The following ORC5 variants were observed in gnomAD, a reference collection of about 807,000 sequenced individuals.
The protein encoded by ORC5 is protein phosphatase 1, regulatory subunit 117.
In ORC5, 39 loss-of-function variants were observed where a neutral mutation model predicts 58.8. The observed-to-expected ratio is 0.66, with a 90% CI of 0.51 to 0.87. The LOEUF (loss-of-function observed/expected upper bound fraction) is 0.87, where lower values mean the gene tolerates loss of function less well. Among genes scored for constraint, ORC5 ranks in the 40% least tolerant of loss-of-function variants. ORC5 has a pLI of 0.00. For synonymous variants in ORC5, 218 were observed against 177.6 expected (o/e 1.23, Z -1.81); for missense variants, 493 against 506.3 (o/e 0.97, Z 0.25).
At chr7:104,126,947 T>C in intron 13 of ORC5, 54 bp from the exon 14 acceptor site, 1 of 1,302,206 alleles carries the variant, frequency 7.7e-7, no homozygotes. Flanking sequence ...ATTGCTCAGC[T>C]TTGTATGATT....
At chr7:104,201,627 T>TAAA (rs59970161) in intron 2 of ORC5, among the ~76,000 whole-genome samples, 4 of 131,398 alleles carry the variant, frequency 3.0e-5, no homozygotes, top group Admixed American at 7.9e-5. Context: ...CTGTCACTAT[T>TAAA]AAAAAAAAAA....
At chr7:104,180,556 C>T (rs1269839715) in intron 8 of ORC5, among the ~76,000 whole-genome samples, 3 of 151,780 alleles carry the variant, frequency 2.0e-5, no homozygotes, top group Non-Finnish European at 4.4e-5. Context: ...GACCTCCCTC[C>T]CCAATATCAA....
chr7:104,143,845 G>A (rs969111426), intron 12 of ORC5, among the ~76,000 whole-genome samples: 1 of 152,108 alleles, frequency 6.6e-6, no homozygotes, highest in South Asian at 2.1e-4. Context: ...CAGGCCGGGT[G>A]CGGTGGCTCA....
intron 12 of ORC5, among the ~76,000 whole-genome samples, chr7:104,156,769 T>C (rs1460256642): frequency 1.3e-5 from 2 of 151,882 alleles, no homozygotes; most frequent in Non-Finnish European, 2.9e-5. Flanking sequence ...GTACGAAATA[T>C]AATTCATTGC....
intron 13 of ORC5, among the ~76,000 whole-genome samples, chr7:104,130,409 A>C (rs188822691): frequency 3.6e-4 from 55 of 152,212 alleles, no homozygotes; most frequent in Non-Finnish European, 6.6e-4. Context: ...CAAAGGACAT[A>C]GTCTTTTCTT....
chr7:104,207,399 C>T (rs1800116110), intron 1 of ORC5, among the ~76,000 whole-genome samples: 1 of 152,138 alleles, frequency 6.6e-6, no homozygotes, highest in African/African-American at 2.4e-5. Flanking sequence ...ACTGCTTTGG[C>T]CCTTAGTGGC....
intron 12 of ORC5, among the ~76,000 whole-genome samples, chr7:104,152,572 C>A (rs1798863607): frequency 6.6e-6 from 1 of 152,122 alleles, no homozygotes; most frequent in South Asian, 2.1e-4. Flanking sequence ...ATCTAATGCA[C>A]AAATTTGCCT....
intron 12 of ORC5, among the ~76,000 whole-genome samples, chr7:104,140,219 C>A (rs1440139391): frequency 6.6e-6 from 1 of 152,026 alleles, no homozygotes; most frequent in Non-Finnish European, 1.5e-5. Flanking sequence ...TATAATCAGT[C>A]TGACAACTTT....
chr7:104,144,446 A>G (rs187657910), intron 12 of ORC5, among the ~76,000 whole-genome samples: 1 of 152,134 alleles, frequency 6.6e-6, no homozygotes, highest in East Asian at 1.9e-4. Flanking sequence ...TTGAGGACTT[A>G]CTCTAGGTAC....
chr7:104,195,237 A>G lies in ORC5; in HGVS notation c.459T>C (p.Thr153=), dbSNP rs748898831. 1 of 1,553,522 alleles carries G rather than the reference A, an allele frequency of 6.4e-7. No homozygotes were observed. Among genetic ancestry groups the G allele is most frequent in the Non-Finnish European group, 8.7e-7 (1 of 1,155,086 alleles). The part of the protein sequence containing the change: ...RLQELADRNV[T]VLFLSEIVWE... ...AAACAATTTCACTGAGAAAGAGAAC[A>G]GTCACATTTCTGTCAGCCTGTAAAA... The change falls in exon 5 of 14, where the codon ACT becomes ACC. Residue 153 remains threonine, a synonymous_variant. Coordinates refer to ENST00000297431, the MANE Select transcript of ORC5 (RefSeq NM_002553.4).
intron 3 of ORC5, among the ~76,000 whole-genome samples, chr7:104,200,076 C>T (rs931710011): frequency 6.6e-6 from 1 of 150,382 alleles, no homozygotes; most frequent in African/African-American, 2.4e-5. Flanking sequence ...CTGAGGCCTC[C>T]CCAGCCACGC....
intron 2 of ORC5, chr7:104,202,352 G>A (rs1025439965): frequency 1.9e-5 from 4 of 212,544 alleles, no homozygotes; most frequent in African/African-American, 9.3e-5. Context: ...GAATAACAGT[G>A]TCACTAAAGC....
At chr7:104,178,931 A>G (rs1312563263) in intron 8 of ORC5, among the ~76,000 whole-genome samples, 1 of 152,138 alleles carries the variant, frequency 6.6e-6, no homozygotes, top group African/African-American at 2.4e-5. Flanking sequence ...AGTGTTCTTT[A>G]TTGAGAAAAA....
At chr7:104,202,758 G>A (rs997079638) in intron 2 of ORC5, among the ~76,000 whole-genome samples, 13 of 152,198 alleles carry the variant, frequency 8.5e-5, no homozygotes. Flanking sequence ...AGATTCTGAA[G>A]TCCAGTATAT....
chr7:104,201,856 T>G (rs573299284), intron 2 of ORC5, among the ~76,000 whole-genome samples: 1 of 151,976 alleles, frequency 6.6e-6, no homozygotes, highest in African/African-American at 2.4e-5. Flanking sequence ...TGCTTTAGGA[T>G]GGGTGGGAGG....
In ORC5 at chr7:104,136,982, C is replaced by A; in HGVS notation, c.1150-89G>T. ...AACATCTTATAGTCTGATAAAGATA[C>A]ATAACTGAATCACAAAAAACGTCTG... is the stretch of plus-strand genomic sequence containing the variant. On this transcript the variant is annotated intron_variant, in intron 12 of 13. Transcript: ENST00000297431. This position sits in a 1 kb window ranked among gnomAD's most constrained non-coding sequence, Gnocchi z 4.2. 1 of 855,360 alleles carries A rather than the reference C, an allele frequency of 1.2e-6. No homozygotes were observed. The highest frequency in any genetic ancestry group is 1.6e-5 in the South Asian group (1 of 60,802). 53.0% of individuals were successfully genotyped at this position (855,360 alleles called of 1,614,324 possible).
rs923283766 is a variant in ORC5, at chr7:104,169,078, T to TA, written c.825-554dup. ...GCCTGGGCGAGAGTGAGCCTGTCTT[T>TA]AAAAAAAACAACAACAAACAAAAAA... On this transcript the variant is annotated intron_variant, in intron 8 of 13. Coordinates refer to ENST00000297431, the MANE Select transcript of ORC5 (RefSeq NM_002553.4). Among the ~76,000 whole-genome samples the TA allele has an allele frequency of 5.3e-5, 8 of 151,970 alleles. No homozygotes were observed. The East Asian group carries it at 1.2e-3, about 22-fold the overall frequency.
intron 11 of ORC5, among the ~76,000 whole-genome samples, chr7:104,163,808 A>G (rs1799063305): frequency 6.6e-6 from 1 of 152,174 alleles, no homozygotes; most frequent in Admixed American, 6.5e-5. Flanking sequence ...GCTTTTTACT[A>G]CAAGCATAGC....
intron 2 of ORC5, chr7:104,202,609 G>A (rs1799972143): frequency 2.3e-6 from 1 of 430,786 alleles, no homozygotes; most frequent in Non-Finnish European, 4.6e-6. Flanking sequence ...AAACTACAGT[G>A]TGATAAAAAA....
Sources: allele counts gnomAD v4.1 joint callset (sites outside exome capture counted in the v4.1 genomes callset), GRCh38; gene constraint gnomAD v4.1.1; non-coding constraint Gnocchi (gnomAD v3.1); transcripts MANE v1.5; gene names NCBI Gene and HGNC (gene_info 2026-07-23, HGNC 2026-07-21).